HDAC9: variants seen among roughly 807,000 people sequenced by gnomAD.
HDAC9 encodes MEF-2 interacting transcription repressor (MITR) protein.
A neutral mutation model predicts 139.4 loss-of-function variants in HDAC9; 41 were observed. The ratio of observed to expected loss-of-function variants is 0.29; its 90% CI spans 0.23 to 0.38. The LOEUF (loss-of-function observed/expected upper bound fraction) is 0.38, where lower values mean the gene tolerates loss of function less well. HDAC9 is among the 10% of genes least tolerant of loss of function. The probability of loss-of-function intolerance (pLI) is 1.00; values close to 1 mark genes in which losing one functional copy is unlikely to be tolerated. For missense variants in HDAC9, 1,147 were observed against 1,297.0 expected, an observed-to-expected ratio of 0.88 and a Z score of 1.78; for synonymous variants, 517 against 476.2, an observed-to-expected ratio of 1.09 and a Z score of -1.12.
intron 6 of HDAC9, among the ~76,000 whole-genome samples, chr7:18,622,745 G>C (rs749895729): frequency 4.6e-5 from 7 of 151,762 alleles, no homozygotes; most frequent in Non-Finnish European, 1.0e-4. Flanking sequence ...TTTTCCTTAT[G>C]ATAATTTTCA....
At chr7:18,392,012 C>A (rs1179479237) in intron 1 of HDAC9, among the ~76,000 whole-genome samples, 2 of 152,122 alleles carry the variant, frequency 1.3e-5, no homozygotes, top group African/African-American at 4.8e-5. Context: ...GTAAAATGAC[C>A]TCCTCATCCT....
chr7:18,746,665 T>A (rs1391602165), intron 13 of HDAC9, among the ~76,000 whole-genome samples: 1 of 152,190 alleles, frequency 6.6e-6, no homozygotes, highest in Non-Finnish European at 1.5e-5. Flanking sequence ...ATATCTGACC[T>A]ATTTTTGGGA....
At chr7:18,350,281 G>A (rs1204930685) in intron 1 of HDAC9, among the ~76,000 whole-genome samples, 1 of 152,002 alleles carries the variant, frequency 6.6e-6, no homozygotes, top group African/African-American at 2.4e-5. Context: ...TTTCTTTTTG[G>A]AGGCAGTAAT....
chr7:18,102,753 A>G (rs1161339308), intron 1 of HDAC9, among the ~76,000 whole-genome samples: 1 of 152,182 alleles, frequency 6.6e-6, no homozygotes, highest in African/African-American at 2.4e-5. Context: ...AAACCATGTG[A>G]CAAAGTTCTG....
chr7:18,123,647 T>C (rs915157679), intron 1 of HDAC9, among the ~76,000 whole-genome samples: 3 of 152,186 alleles, frequency 2.0e-5, no homozygotes, highest in Non-Finnish European at 4.4e-5. Flanking sequence ...TCAGCATTTT[T>C]TCCCTAAGAT....
intron 2 of HDAC9, among the ~76,000 whole-genome samples, chr7:18,261,308 C>T (rs949718297): frequency 4.6e-5 from 7 of 151,736 alleles, no homozygotes; most frequent in Non-Finnish European, 1.0e-4. Flanking sequence ...ACCCTGTCTC[C>T]AAAATAAAAA....
chr7:18,945,917 T>A (rs935926037), intron 23 of HDAC9, among the ~76,000 whole-genome samples: 3 of 151,244 alleles, frequency 2.0e-5, no homozygotes, highest in Admixed American at 2.0e-4. Context: ...CGCACCTGTA[T>A]TCCCAGCTAC....
chr7:18,088,721 A>G (rs1033345376), intron 1 of HDAC9, among the ~76,000 whole-genome samples: 1 of 152,240 alleles, frequency 6.6e-6, no homozygotes, highest in Non-Finnish European at 1.5e-5. Flanking sequence ...CTTTTACCAC[A>G]GATAATTAGT....
chr7:18,183,101 C>T (rs573060808), intron 2 of HDAC9, among the ~76,000 whole-genome samples: 69 of 152,048 alleles, frequency 4.5e-4, no homozygotes, highest in Admixed American at 2.7e-3. Context: ...GCTCCGCCTC[C>T]TGGGTTCACG....
intron 2 of HDAC9, among the ~76,000 whole-genome samples, chr7:18,166,350 A>G (rs1025868355): frequency 1.3e-5 from 2 of 152,204 alleles, no homozygotes; most frequent in African/African-American, 4.8e-5. Context: ...GGACCAAGCT[A>G]TTTATAGAAG....
chr7:18,095,494 G>A (rs1045793556), intron 1 of HDAC9, among the ~76,000 whole-genome samples: 2 of 152,020 alleles, frequency 1.3e-5, no homozygotes, highest in East Asian at 1.9e-4. Flanking sequence ...CCTGTGGCTC[G>A]CTAGAGATTC....
intron 2 of HDAC9, among the ~76,000 whole-genome samples, chr7:18,228,397 G>T (rs766819696): frequency 1.3e-5 from 2 of 151,008 alleles, no homozygotes; most frequent in African/African-American, 4.9e-5. Context: ...TATCTTAAAC[G>T]CCACATACCT....
chr7:18,807,795 G>T (rs1003426975), intron 17 of HDAC9, among the ~76,000 whole-genome samples: 1 of 152,122 alleles, frequency 6.6e-6, no homozygotes, highest in Admixed American at 6.6e-5. Flanking sequence ...GATACTTGGT[G>T]TGATTTCAGT....
chr7:18,161,429 AAAT>A (rs1283556629), intron 1 of HDAC9, among the ~76,000 whole-genome samples: 3 of 152,196 alleles, frequency 2.0e-5, no homozygotes, highest in Non-Finnish European at 2.9e-5. Context: ...CTGTCTATAA[AAAT>A]AGTGCAATTG....
intron 15 of HDAC9, among the ~76,000 whole-genome samples, chr7:18,766,449 T>C (rs1286144747): frequency 6.6e-6 from 1 of 152,184 alleles, no homozygotes; most frequent in Admixed American, 6.5e-5. Context: ...AAAGAAGATA[T>C]TTTATATTGA....
At chr7:18,398,793 G>A (rs1425274251) in intron 1 of HDAC9, among the ~76,000 whole-genome samples, 2 of 152,200 alleles carry the variant, frequency 1.3e-5, no homozygotes, top group Admixed American at 6.6e-5. Context: ...TTATGACAAA[G>A]TAATAAACCC....
At chr7:18,981,080 T>C (rs1784918801) in intron 25 of HDAC9, among the ~76,000 whole-genome samples, 1 of 152,020 alleles carries the variant, frequency 6.6e-6, no homozygotes, top group Non-Finnish European at 1.5e-5. Context: ...CACTTCTGCC[T>C]CCCAAAGTGC....
At position 18,812,914 on chromosome 7, in the gene HDAC9, G is replaced by A. The variant is rs114308864; in HGVS notation, c.2323-16247G>A. ...ATTCTTTGTCCTTGACCTCTGTTGT[G>A]TTCAACCTGCTGCTAATATCATCCA... On this transcript the variant is annotated intron_variant, in intron 17 of 25. Transcript: ENST00000686413. 1.5e-3 allele frequency among the ~76,000 whole-genome samples: 231 copies of A among 151,892 alleles called. 1 individual carries two copies. The highest frequency in any genetic ancestry group is 5.4e-3 in the African/African-American group (224 of 41,500).
intron 1 of HDAC9, among the ~76,000 whole-genome samples, chr7:18,316,513 T>C (rs181952322): frequency 6.6e-6 from 1 of 151,950 alleles, no homozygotes; most frequent in East Asian, 1.9e-4. Flanking sequence ...AATTCACCCA[T>C]GTTGCCAGGT....
Sources: gnomAD v4.1 joint callset for allele counts (sites outside exome capture counted in the v4.1 genomes callset) on GRCh38, gnomAD v4.1.1 for gene constraint, MANE v1.5 for transcripts, NCBI Gene and HGNC (gene_info 2026-07-23, HGNC 2026-07-21) for gene names.